The following PDZRN4 variants were observed in gnomAD, a reference collection of about 807,000 sequenced individuals.
PDZRN4 encodes the protein PDZ domain containing ring finger 4, also known as PDZ domain-containing RING finger protein 4.
Under a neutral mutation model 99.0 loss-of-function variants are expected in PDZRN4, and 70 were observed. The observed-to-expected ratio is 0.71, with a 90% confidence interval of 0.58 to 0.86. The LOEUF (loss-of-function observed/expected upper bound fraction) is 0.86. Among genes scored for constraint, PDZRN4 ranks in the 40% least tolerant of loss-of-function variants. PDZRN4 has a pLI of 0.00. For missense variants in PDZRN4, 1,474 were observed against 1,331.2 expected (o/e 1.11, Z -1.67); for synonymous variants, 551 against 501.6 (o/e 1.10, Z -1.32).
chr12:41,230,102 G>T (rs1031922467), intron 3 of PDZRN4, among the ~76,000 whole-genome samples: 3 of 151,938 alleles, frequency 2.0e-5, no homozygotes, highest in Admixed American at 6.6e-5. Flanking sequence ...TAACATTTTT[G>T]AATATAGTGG....
intron 3 of PDZRN4, among the ~76,000 whole-genome samples, chr12:41,259,887 C>T (rs1019132759): frequency 2.6e-5 from 4 of 152,028 alleles, no homozygotes; most frequent in Non-Finnish European, 5.9e-5. Context: ...CTATAGAAAT[C>T]GAAGTGTCAG....
intron 3 of PDZRN4, among the ~76,000 whole-genome samples, chr12:41,492,169 T>G (rs1937900032): frequency 6.6e-6 from 1 of 151,322 alleles, no homozygotes; most frequent in Non-Finnish European, 1.5e-5. Context: ...GATAGTTAAT[T>G]TTTAAGTTTT....
At chr12:41,540,449 C>G (rs999864009) in intron 5 of PDZRN4, among the ~76,000 whole-genome samples, 4 of 152,042 alleles carry the variant, frequency 2.6e-5, no homozygotes, top group African/African-American at 9.7e-5. Context: ...CTTTGATCTA[C>G]CTTCAGGAAC....
rs567088039 is a variant in PDZRN4, at chr12:41,568,152, C to G, written c.1584+253C>G. ...AGTACAGTAGTATTCAAATGTTGAC[C>G]CAGGCACTACTTCAAACTAATTGCA... On this transcript the variant is annotated intron_variant, in intron 9 of 9. Coordinates refer to ENST00000402685, the MANE Select transcript of PDZRN4 (RefSeq NM_001164595.2). Among the ~76,000 whole-genome samples, 131 of 152,006 alleles carry G rather than the reference C, an allele frequency of 8.6e-4. 1 individual carries two copies. Among genetic ancestry groups the G allele is most frequent in the Non-Finnish European group, 1.6e-3 (108 of 67,944 alleles).
chr12:41,375,757 G>T (rs1952074264), intron 3 of PDZRN4, among the ~76,000 whole-genome samples: 1 of 152,146 alleles, frequency 6.6e-6, no homozygotes, highest in African/African-American at 2.4e-5. Context: ...GTGTGTGTGT[G>T]TGTATTTGTG....
intron 3 of PDZRN4, among the ~76,000 whole-genome samples, chr12:41,214,407 C>T (rs1161706271): frequency 1.3e-5 from 1 of 76,480 alleles, no homozygotes; most frequent in Non-Finnish European, 3.0e-5. Context: ...CTAGCCTGGG[C>T]AATAGAAGGA....
chr12:41,553,668 CAGTGA>C (rs1939096672), intron 6 of PDZRN4, among the ~76,000 whole-genome samples: 1 of 151,876 alleles, frequency 6.6e-6, no homozygotes, highest in African/African-American at 2.4e-5. Context: ...CACTCCAGTG[CAGTGA>C]CACAATGAGT....
chr12:41,571,376 T>TCTCTCTCTCTCACA (rs1303597271), intron 9 of PDZRN4, among the ~76,000 whole-genome samples: 2 of 65,590 alleles, frequency 3.0e-5, no homozygotes, highest in South Asian at 5.9e-4. Flanking sequence ...TCTCTCTCTC[T>TCTCTCTCTCTCACA]CACACACACA....
At chr12:41,473,698 G>C (rs1156752409) in intron 3 of PDZRN4, among the ~76,000 whole-genome samples, 2 of 152,108 alleles carry the variant, frequency 1.3e-5, no homozygotes, top group East Asian at 3.9e-4. Flanking sequence ...CTAAGCACCT[G>C]TCTCTATCCC....
chr12:41,536,136 T>A (rs892647009), intron 5 of PDZRN4, among the ~76,000 whole-genome samples: 4 of 152,156 alleles, frequency 2.6e-5, no homozygotes, highest in African/African-American at 9.7e-5. Context: ...GTAAATATGC[T>A]CAAGGTTAAA....
intron 3 of PDZRN4, among the ~76,000 whole-genome samples, chr12:41,204,571 A>T (rs1950835929): frequency 6.6e-6 from 1 of 151,996 alleles, no homozygotes; most frequent in Non-Finnish European, 1.5e-5. Flanking sequence ...GAAGGAAGGT[A>T]CCTTCTTCAC....
chr12:41,571,600 A>G (rs1040593992), intron 9 of PDZRN4, among the ~76,000 whole-genome samples: 1 of 152,138 alleles, frequency 6.6e-6, no homozygotes, highest in Non-Finnish European at 1.5e-5. Flanking sequence ...TACAACCCCA[A>G]TGAGTCCTAA....
chr12:41,479,752 C>T (rs1388613989), intron 3 of PDZRN4, among the ~76,000 whole-genome samples: 1 of 152,086 alleles, frequency 6.6e-6, no homozygotes, highest in Non-Finnish European at 1.5e-5. Flanking sequence ...TTCAAGATAT[C>T]AATAACAAAT....
chr12:41,520,608 G>A (rs1938477117), intron 5 of PDZRN4, among the ~76,000 whole-genome samples: 1 of 143,720 alleles, frequency 7.0e-6, no homozygotes, highest in African/African-American at 2.7e-5. Flanking sequence ...CAGTAAACAT[G>A]CCTAAATACA....
intron 3 of PDZRN4, among the ~76,000 whole-genome samples, chr12:41,373,592 A>G (rs182635759): frequency 6.6e-6 from 1 of 152,108 alleles, no homozygotes; most frequent in Non-Finnish European, 1.5e-5. Flanking sequence ...TTCCCTGAAC[A>G]TTGCTGTTAT....
chr12:41,262,759 G>C (rs1951249759), intron 3 of PDZRN4, among the ~76,000 whole-genome samples: 1 of 152,108 alleles, frequency 6.6e-6, no homozygotes, highest in South Asian at 2.1e-4. Context: ...AGATATGCTA[G>C]ATAATTTTAA....
chr12:41,282,851 A>G lies in PDZRN4; in HGVS notation c.843+88663A>G, dbSNP rs527882601. On this transcript the variant is annotated intron_variant, in intron 3 of 9. Coordinates refer to ENST00000402685, the MANE Select transcript of PDZRN4 (RefSeq NM_001164595.2). ...GAGATCAAAGACACAATGTACCAGA[A>G]TCTCTGGGACACAGCTAAAGCAGTG... Among the ~76,000 whole-genome samples the G allele has an allele frequency of 3.5e-4, 54 of 152,328 alleles. 2 individuals carry two copies. The South Asian group carries it at 0.011, about 30-fold the overall frequency.
intron 3 of PDZRN4, among the ~76,000 whole-genome samples, chr12:41,309,080 A>C (rs1951589154): frequency 6.6e-6 from 1 of 152,156 alleles, no homozygotes; most frequent in African/African-American, 2.4e-5. Context: ...CCCCTCAAAA[A>C]CAATACTATA....
intron 2 of PDZRN4, among the ~76,000 whole-genome samples, chr12:41,192,994 C>T (rs1320219519): frequency 6.6e-6 from 1 of 152,152 alleles, no homozygotes; most frequent in Non-Finnish European, 1.5e-5. Flanking sequence ...ATTTTTGCAT[C>T]CTGCATTGCA....
Sources: allele counts gnomAD v4.1 joint callset (sites outside exome capture counted in the v4.1 genomes callset), GRCh38; gene constraint gnomAD v4.1.1; transcripts MANE v1.5; gene names NCBI Gene and HGNC (gene_info 2026-07-23, HGNC 2026-07-21).